DPP10: variants seen among roughly 807,000 people sequenced by gnomAD.
DPP10 encodes inactive dipeptidyl peptidase 10.
DPP10 carries 33 observed loss-of-function variants against 120.9 expected under a neutral mutation model. The ratio of observed to expected loss-of-function variants is 0.27; its 90% CI spans 0.21 to 0.37. The LOEUF is 0.37. Ranked by LOEUF, DPP10 falls within the 10% of genes least tolerant of loss-of-function variation. The pLI is 1.00. For synonymous variants in DPP10, 337 were observed against 326.1 expected (o/e 1.03, Z -0.36); for missense variants, 816 against 942.8 (o/e 0.87, Z 1.76).
At chr2:114,769,765 C>A (rs954032102) in intron 1 of DPP10, among the ~76,000 whole-genome samples, 1 of 152,098 alleles carries the variant, frequency 6.6e-6, no homozygotes, top group South Asian at 2.1e-4. Context: ...GGCATGCACA[C>A]AACACACACA....
intron 5 of DPP10, among the ~76,000 whole-genome samples, chr2:115,560,070 C>A (rs2080468319): frequency 6.6e-6 from 1 of 151,780 alleles, no homozygotes; most frequent in Admixed American, 6.6e-5. Context: ...GTTCAAAGAA[C>A]TAACTGCTGT....
intron 13 of DPP10, 42 bp from the exon 14 acceptor site, chr2:115,777,166 G>C: frequency 6.3e-7 from 1 of 1,578,242 alleles, no homozygotes; most frequent in Non-Finnish European, 8.7e-7. Context: ...GAGAGATGCT[G>C]TTTAAATGAA....
chr2:115,125,938 G>C (rs942147700), intron 1 of DPP10, among the ~76,000 whole-genome samples: 1 of 152,012 alleles, frequency 6.6e-6, no homozygotes, highest in Non-Finnish European at 1.5e-5. Flanking sequence ...CATATTACCA[G>C]GCTAAGTAAA....
At chr2:115,083,364 G>A (rs1429955539) in intron 1 of DPP10, among the ~76,000 whole-genome samples, 5 of 152,000 alleles carry the variant, frequency 3.3e-5, no homozygotes, top group South Asian at 2.1e-4. Flanking sequence ...TATATGTCCC[G>A]AGGCCCTATG....
chr2:115,686,488 G>T (rs2090995957), intron 5 of DPP10, among the ~76,000 whole-genome samples: 1 of 152,050 alleles, frequency 6.6e-6, no homozygotes, highest in Non-Finnish European at 1.5e-5. Context: ...CAATGATTCA[G>T]TAGTTGCTAA....
At chr2:115,802,087 A>G (rs867994471) in intron 19 of DPP10, among the ~76,000 whole-genome samples, 1 of 152,128 alleles carries the variant, frequency 6.6e-6, no homozygotes, top group Non-Finnish European at 1.5e-5. Flanking sequence ...TTGGTAAGCT[A>G]TTAATTATTG....
intron 19 of DPP10, among the ~76,000 whole-genome samples, chr2:115,802,642 A>G (rs1183036544): frequency 2.0e-5 from 3 of 152,018 alleles, no homozygotes; most frequent in African/African-American, 4.8e-5. Context: ...CTTTGTTCTC[A>G]TTGGTTTCAA....
At chr2:114,732,475 G>C (rs1677016420) in intron 1 of DPP10, among the ~76,000 whole-genome samples, 1 of 152,196 alleles carries the variant, frequency 6.6e-6, no homozygotes, top group South Asian at 2.1e-4. Context: ...TGGGGATTGG[G>C]GGAGAGAGTA....
At chr2:115,697,567 A>T (rs1039783046) in intron 7 of DPP10, among the ~76,000 whole-genome samples, 2 of 149,604 alleles carry the variant, frequency 1.3e-5, no homozygotes, top group Non-Finnish European at 3.0e-5. Context: ...CTAAAAATGA[A>T]TATAATTGAA....
chr2:115,541,819 T>G (rs920713727), intron 5 of DPP10, among the ~76,000 whole-genome samples: 9 of 152,016 alleles, frequency 5.9e-5, no homozygotes, highest in Admixed American at 3.9e-4. Flanking sequence ...TGGGGAGAGA[T>G]AAAGATAAAA....
At position 115,322,199 on chromosome 2, in the gene DPP10, C is replaced by T. The variant is rs144463227; in HGVS notation, c.175+12846C>T. 3.6e-3 allele frequency among the ~76,000 whole-genome samples: 550 copies of T among 152,082 alleles called. 3 individuals carry two copies. Among genetic ancestry groups the T allele is most frequent in the African/African-American group, 0.013 (538 of 41,496 alleles). ...TCCTTTTCTGGGTGGGCTTTTGTTTCTTGCTGTAGGCTGTAGCTATTTGTG... is the reference window on the plus strand; with the variant it reads ...TCCTTTTCTGGGTGGGCTTTTGTTTTTTGCTGTAGGCTGTAGCTATTTGTG... On this transcript the variant is annotated intron_variant, in intron 2 of 25. Coordinates refer to ENST00000410059, the MANE Select transcript of DPP10 (RefSeq NM_020868.6).
chr2:115,222,485 C>A (rs1405832306), intron 1 of DPP10, among the ~76,000 whole-genome samples: 1 of 152,002 alleles, frequency 6.6e-6, no homozygotes, highest in African/African-American at 2.4e-5. Context: ...GAGGAGTTTC[C>A]CTGCACAAGC....
chr2:115,093,548 T>A (rs1709459370), intron 1 of DPP10, among the ~76,000 whole-genome samples: 1 of 152,116 alleles, frequency 6.6e-6, no homozygotes, highest in Admixed American at 6.6e-5. Flanking sequence ...GGAGACATAA[T>A]AATAATTTGG....
intron 1 of DPP10, among the ~76,000 whole-genome samples, chr2:114,564,128 GTATTCTAATGA>G (rs1005217547): frequency 4.6e-5 from 7 of 152,102 alleles, no homozygotes; most frequent in African/African-American, 1.7e-4. Flanking sequence ...AGTAAAAGAG[GTATTCTAATGA>G]TATTCTAATG....
chr2:114,530,430 T>C (rs936502838), intron 1 of DPP10, among the ~76,000 whole-genome samples: 16 of 152,180 alleles, frequency 1.1e-4, no homozygotes, highest in Non-Finnish European at 1.6e-4. Context: ...TAGCCTTCCA[T>C]GATTATTATC....
At chr2:115,465,605 C>T (rs1427276579) in intron 3 of DPP10, among the ~76,000 whole-genome samples, 1 of 152,168 alleles carries the variant, frequency 6.6e-6, no homozygotes, top group Non-Finnish European at 1.5e-5. Flanking sequence ...GGTGTATCAC[C>T]TGAGGTCAGG....
chr2:114,878,319 G>A (rs766862663), intron 1 of DPP10, among the ~76,000 whole-genome samples: 1 of 151,930 alleles, frequency 6.6e-6, no homozygotes, highest in South Asian at 2.1e-4. Flanking sequence ...CATAATAACT[G>A]TACATAGTTA....
chr2:115,495,102 GACA>G (rs2076322797), intron 3 of DPP10, among the ~76,000 whole-genome samples: 1 of 151,986 alleles, frequency 6.6e-6, no homozygotes, highest in South Asian at 2.1e-4. Context: ...AGTCAGAAAA[GACA>G]ACATTTTACA....
At chr2:115,137,400 GACAA>G (rs1480271881) in intron 1 of DPP10, among the ~76,000 whole-genome samples, 3 of 152,182 alleles carry the variant, frequency 2.0e-5, no homozygotes, top group Non-Finnish European at 4.4e-5. Context: ...GTTGCCCCTT[GACAA>G]ACAGACTGGT....
Sources: gnomAD v4.1 joint callset for allele counts (sites outside exome capture counted in the v4.1 genomes callset) on GRCh38, gnomAD v4.1.1 for gene constraint, MANE v1.5 for transcripts, NCBI Gene and HGNC (gene_info 2026-07-23, HGNC 2026-07-21) for gene names.